CSMD3: variants seen among roughly 807,000 people sequenced by gnomAD.
CSMD3 encodes the protein CUB and Sushi multiple domains 3.
In CSMD3, 177 loss-of-function variants were observed where a neutral mutation model predicts 435.2. That is an observed-to-expected ratio of 0.41 (90% CI 0.36 to 0.46). The LOEUF is 0.46. CSMD3 is among the 20% of genes least tolerant of loss of function. The pLI is 0.34. For synonymous variants in CSMD3, 1,656 were observed against 1,520.5 expected (o/e 1.09, Z -2.07); for missense variants, 4,265 against 4,504.6 (o/e 0.95, Z 1.52).
intron 3 of CSMD3, among the ~76,000 whole-genome samples, chr8:113,258,407 T>G (rs1402943): frequency 0.68 from 102,614 of 152,008 alleles, 36,573 homozygotes; most frequent in East Asian, 0.96. Context: ...CATAGCAATA[T>G]ATTGTTTAGC....
intron 1 of CSMD3, among the ~76,000 whole-genome samples, chr8:113,387,487 G>A (rs976918884): frequency 6.6e-5 from 10 of 151,758 alleles, no homozygotes; most frequent in African/African-American, 1.7e-4. Flanking sequence ...CCATACTTTC[G>A]AAGTATTCAT....
intron 4 of CSMD3, among the ~76,000 whole-genome samples, chr8:113,167,922 G>A (rs1283498232): frequency 1.3e-5 from 2 of 152,102 alleles, no homozygotes; most frequent in Non-Finnish European, 2.9e-5. Flanking sequence ...TGGCAAGTGT[G>A]GTGGTGGAAC....
intron 4 of CSMD3, among the ~76,000 whole-genome samples, chr8:113,132,803 C>T (rs1434826915): frequency 6.6e-6 from 1 of 152,088 alleles, no homozygotes; most frequent in Non-Finnish European, 1.5e-5. Context: ...AGGGGGCTTA[C>T]ATGTAATCAG....
intron 30 of CSMD3, among the ~76,000 whole-genome samples, chr8:112,494,492 C>CTT (rs1247101447): frequency 2.6e-5 from 2 of 76,666 alleles, no homozygotes; most frequent in African/African-American, 7.8e-5. Context: ...GTTTCTTTCT[C>CTT]TCCTTTCTTT....
intron 1 of CSMD3, among the ~76,000 whole-genome samples, chr8:113,372,906 AGTCCGG>A (rs1328952965): frequency 4.0e-5 from 6 of 149,062 alleles, no homozygotes; most frequent in Non-Finnish European, 8.9e-5. Context: ...TGCAGTCCGC[AGTCCGG>A]CCTGGGCGAC....
intron 38 of CSMD3, among the ~76,000 whole-genome samples, chr8:112,365,478 T>A (rs1292613292): frequency 6.7e-6 from 1 of 149,206 alleles, no homozygotes; most frequent in African/African-American, 2.4e-5. Flanking sequence ...CTTTTTTTTT[T>A]TTTTTTTTTT....
chr8:112,981,127 A>C (rs1257934690), intron 6 of CSMD3, among the ~76,000 whole-genome samples: 3 of 151,496 alleles, frequency 2.0e-5, no homozygotes, highest in African/African-American at 7.2e-5. Context: ...TTTATGTTGA[A>C]ACTTCATAAG....
At chr8:112,897,694 CTGTGTGTG>C (rs375797134) in intron 10 of CSMD3, among the ~76,000 whole-genome samples, 78 of 91,032 alleles carry the variant, frequency 8.6e-4, no homozygotes, top group South Asian at 2.7e-3. Context: ...CTCTCTCTCT[CTGTGTGTG>C]TGTGTGTGTG....
chr8:112,722,302 A>G lies in CSMD3; in HGVS notation c.1973-32252T>C, dbSNP rs180970048. Among the ~76,000 whole-genome samples the G allele has an allele frequency of 4.6e-5, 7 of 152,278 alleles. No homozygotes were observed. The East Asian group carries it at 9.6e-4, about 21-fold the overall frequency. On this transcript the variant is annotated intron_variant, in intron 13 of 70. Transcript: ENST00000297405. ...ATTAGATCTTAGGTTTTTTAAAAAAAAAGGCTATACCAGACCTTTTTGGGC... is the reference window on the plus strand; with the variant it reads ...ATTAGATCTTAGGTTTTTTAAAAAAGAAGGCTATACCAGACCTTTTTGGGC...
chr8:112,793,844 T>C (rs2078755300), intron 13 of CSMD3, among the ~76,000 whole-genome samples: 1 of 152,204 alleles, frequency 6.6e-6, no homozygotes, highest in South Asian at 2.1e-4. Context: ...TGGTTCACTG[T>C]GTATGGAGAA....
At chr8:112,883,204 G>A (rs1303603830) in intron 10 of CSMD3, among the ~76,000 whole-genome samples, 1 of 152,016 alleles carries the variant, frequency 6.6e-6, no homozygotes, top group East Asian at 1.9e-4. Context: ...GAATTTGGAT[G>A]TTTACATGAA....
intron 32 of CSMD3, among the ~76,000 whole-genome samples, chr8:112,433,822 A>C (rs140395523): frequency 6.6e-6 from 1 of 152,010 alleles, no homozygotes; most frequent in African/African-American, 2.4e-5. Context: ...GTGAGTTAAA[A>C]AGCATAGAAA....
chr8:112,428,952 C>T (rs552893096), intron 32 of CSMD3, among the ~76,000 whole-genome samples: 1 of 151,776 alleles, frequency 6.6e-6, no homozygotes, highest in Non-Finnish European at 1.5e-5. Flanking sequence ...TTATTGTGTA[C>T]AACATAATAT....
intron 61 of CSMD3, among the ~76,000 whole-genome samples, chr8:112,258,160 C>A (rs1563698490): frequency 6.6e-6 from 1 of 152,122 alleles, no homozygotes; most frequent in South Asian, 2.1e-4. Flanking sequence ...AAATGTAAGA[C>A]CTAAAACATA....
At chr8:113,336,480 A>G (rs144070407) in intron 1 of CSMD3, among the ~76,000 whole-genome samples, 9 of 152,220 alleles carry the variant, frequency 5.9e-5, no homozygotes, top group African/African-American at 1.9e-4. Flanking sequence ...TTTCTGTATG[A>G]CAAGTGAGTT....
At chr8:112,371,339 C>G (rs1828371034) in intron 38 of CSMD3, among the ~76,000 whole-genome samples, 1 of 152,122 alleles carries the variant, frequency 6.6e-6, no homozygotes, top group South Asian at 2.1e-4. Flanking sequence ...TCAAACAGTT[C>G]CTCAGCCCTT....
chr8:112,647,618 T>A (rs910948730), intron 19 of CSMD3, among the ~76,000 whole-genome samples: 3 of 152,166 alleles, frequency 2.0e-5, no homozygotes, highest in Non-Finnish European at 4.4e-5. Context: ...CAAATCACTT[T>A]TTTAATGCAC....
intron 3 of CSMD3, among the ~76,000 whole-genome samples, chr8:113,250,240 GAGGAAT>G (rs2093322177): frequency 6.6e-6 from 1 of 152,060 alleles, no homozygotes; most frequent in Non-Finnish European, 1.5e-5. Flanking sequence ...GGAGGTGGAA[GAGGAAT>G]TCCCAAACTT....
intron 32 of CSMD3, among the ~76,000 whole-genome samples, chr8:112,455,029 T>TA (rs540422362): frequency 0.023 from 3,371 of 145,232 alleles, 72 homozygotes; most frequent in Middle Eastern, 0.045. Flanking sequence ...GACCCTATAT[T>TA]AAAAAAAAAA....
Sources: gnomAD v4.1 joint callset for allele counts (sites outside exome capture counted in the v4.1 genomes callset) on GRCh38, gnomAD v4.1.1 for gene constraint, MANE v1.5 for transcripts, NCBI Gene and HGNC (gene_info 2026-07-23, HGNC 2026-07-21) for gene names.